MINDY2: variants seen among roughly 807,000 people sequenced by gnomAD.
The protein encoded by MINDY2 is MINDY lysine 48 deubiquitinase 2, also known as ubiquitin carboxyl-terminal hydrolase MINDY-2.
Under a neutral mutation model 68.2 loss-of-function variants are expected in MINDY2, and 52 were observed. The ratio of observed to expected loss-of-function variants is 0.76; its 90% CI spans 0.61 to 0.96. The LOEUF is 0.96. Ranked by LOEUF, MINDY2 falls within the 40% of genes least tolerant of loss-of-function variation. The pLI, the probability that MINDY2 is intolerant of heterozygous loss-of-function variation, is 0.00. For missense variants in MINDY2, 881 were observed against 773.4 expected (o/e 1.14, Z -1.65); for synonymous variants, 372 against 303.0 (o/e 1.23, Z -2.36).
intron 4 of MINDY2, 122 bp from the exon 5 acceptor site, chr15:58,821,595 T>C: frequency 2.3e-6 from 1 of 434,668 alleles, no homozygotes; most frequent in Admixed American, 4.9e-5. Context: ...GATTTTGTTT[T>C]TCGTAAATAA....
intron 6 of MINDY2, among the ~76,000 whole-genome samples, chr15:58,842,284 C>G (rs2032322556): frequency 6.6e-6 from 1 of 152,074 alleles, no homozygotes; most frequent in African/African-American, 2.4e-5. Context: ...TTACCATAAA[C>G]TCAGTCAGAT....
intron 5 of MINDY2, among the ~76,000 whole-genome samples, chr15:58,824,793 C>A (rs567790878): frequency 4.7e-5 from 4 of 84,838 alleles, no homozygotes; most frequent in Admixed American, 4.2e-4. Flanking sequence ...CCTCAGCCTC[C>A]TGAGTAGCTG....
intron 1 of MINDY2, among the ~76,000 whole-genome samples, chr15:58,775,524 G>A (rs1260155435): frequency 6.6e-6 from 1 of 152,216 alleles, no homozygotes; most frequent in African/African-American, 2.4e-5. Flanking sequence ...TAAGATTGTA[G>A]TGAGTGTAGC....
At chr15:58,836,838 T>G (rs1221509328) in intron 6 of MINDY2, among the ~76,000 whole-genome samples, 1 of 152,100 alleles carries the variant, frequency 6.6e-6, no homozygotes, top group Non-Finnish European at 1.5e-5. Context: ...CAAATTGGTC[T>G]TGAGCTCCTG....
At chr15:58,811,463 CAAGT>C (rs2030245244) in intron 4 of MINDY2, among the ~76,000 whole-genome samples, 1 of 152,152 alleles carries the variant, frequency 6.6e-6, no homozygotes, top group African/African-American at 2.4e-5. Flanking sequence ...AGGGGAACAA[CAAGT>C]AAGAGATGGT....
In MINDY2 at chr15:58,814,544, C is replaced by G. The variant is rs561555813; in HGVS notation, c.1122+4156C>G. Among the ~76,000 whole-genome samples, 216 of 151,860 alleles carry G rather than the reference C, an allele frequency of 1.4e-3. 1 individual carries two copies. Among genetic ancestry groups the G allele is most frequent in the African/African-American group, 4.8e-3 (200 of 41,456 alleles). On this transcript the variant is annotated intron_variant, in intron 4 of 8. Coordinates refer to ENST00000559228, the MANE Select transcript of MINDY2 (RefSeq NM_001040450.3). Reference sequence around the variant, plus strand: ...TGGGCACATGCCACCATACCCTGCTCACTTTTTAATTTTTTGTAGAAATGA... The same window carrying G: ...TGGGCACATGCCACCATACCCTGCTGACTTTTTAATTTTTTGTAGAAATGA...
chr15:58,847,088 G>A lies in MINDY2; in HGVS notation c.1369-209G>A, dbSNP rs143350858. ...AAGAGCTCTTATTTCTTGTTATAGT[G>A]TAGTGTGCCAATTATAAACTATATT... On this transcript the variant is annotated intron_variant, in intron 6 of 8. Transcript: ENST00000559228. Among the ~76,000 whole-genome samples, 3 of 152,272 alleles carry A rather than the reference G, an allele frequency of 2.0e-5. No homozygotes were observed. The East Asian group carries it at 5.8e-4, about 29-fold the overall frequency.
rs563366679 is a variant in MINDY2 at position 58,844,806 on chromosome 15, A to C, written c.1369-2491A>C. On this transcript the variant is annotated intron_variant, in intron 6 of 8. Coordinates refer to ENST00000559228, the MANE Select transcript of MINDY2 (RefSeq NM_001040450.3). ...GTGGTGTGCTCCTATAGTTGCAGCT[A>C]CTTGGGGCTGAGGCAGGACAGTCGC... Among the ~76,000 whole-genome samples, 21 of 149,304 alleles carry C rather than the reference A, an allele frequency of 1.4e-4. No homozygotes were observed. In the East Asian group the frequency reaches 2.0e-3, roughly 14 times the overall value.
At chr15:58,816,268 T>C (rs1237109565) in intron 4 of MINDY2, among the ~76,000 whole-genome samples, 4 of 152,244 alleles carry the variant, frequency 2.6e-5, no homozygotes, top group African/African-American at 9.6e-5. Flanking sequence ...AGAATTTCAC[T>C]GAAAAGTCTC....
rs1567079858 is a variant in MINDY2 at position 58,852,972 on chromosome 15, A to ATTTTTTTTTTTTTTTTTTTTTTTTTTTTT, written c.1737+1007_1737+1008insTTTTTTTTTTTTTTTTTTTTTTTTTTTTT. Among the ~76,000 whole-genome samples, 6 of 17,240 alleles carry ATTTTTTTTTTTTTTTTTTTTTTTTTTTTT rather than the reference A, an allele frequency of 3.5e-4. 1 individual carries two copies. Among genetic ancestry groups the ATTTTTTTTTTTTTTTTTTTTTTTTTTTTT allele is most frequent in the Non-Finnish European group, 6.6e-4 (4 of 6,082 alleles). 11.3% of individuals were successfully genotyped at this position (17,240 alleles called of 152,430 possible). A position where few individuals can be genotyped will look rare whatever the true frequency, so the allele number is the denominator to read the frequency against. On this transcript the variant is annotated intron_variant, in intron 8 of 8. Coordinates refer to ENST00000559228, the MANE Select transcript of MINDY2 (RefSeq NM_001040450.3). Reference sequence around the variant, plus strand: ...TTTTTTTTTTTTTTTTTTTTTTTTAAGACAGAGTCTCACTCTGTTGCCCAG... The same window carrying ATTTTTTTTTTTTTTTTTTTTTTTTTTTTT: ...TTTTTTTTTTTTTTTTTTTTTTTTAATTTTTTTTTTTTTTTTTTTTTTTTTTTTTGACAGAGTCTCACTCTGTTGCCCAG...
At chr15:58,804,696 ACT>A (rs1329874360) in intron 3 of MINDY2, among the ~76,000 whole-genome samples, 1 of 152,032 alleles carries the variant, frequency 6.6e-6, no homozygotes, top group African/African-American at 2.4e-5. Flanking sequence ...AGTCCCAGCT[ACT>A]TGGGAGGCTG....
chr15:58,845,358 G>T (rs1403087590), intron 6 of MINDY2, among the ~76,000 whole-genome samples: 1 of 151,388 alleles, frequency 6.6e-6, no homozygotes, highest in Non-Finnish European at 1.5e-5. Flanking sequence ...GTGAGCCAAG[G>T]TCACACCACT....
intron 3 of MINDY2, among the ~76,000 whole-genome samples, chr15:58,809,167 A>T (rs1472910219): frequency 6.6e-6 from 1 of 152,162 alleles, no homozygotes; most frequent in South Asian, 2.1e-4. Flanking sequence ...AGCCATGATC[A>T]TACCACTGCA....
chr15:58,811,742 A>T (rs1378239875), intron 4 of MINDY2, among the ~76,000 whole-genome samples: 1 of 152,132 alleles, frequency 6.6e-6, no homozygotes, highest in Non-Finnish European at 1.5e-5. Flanking sequence ...ATTATTAGAG[A>T]GTAGGAATTC....
At chr15:58,807,565 G>C (rs1354179681) in intron 3 of MINDY2, among the ~76,000 whole-genome samples, 2 of 151,922 alleles carry the variant, frequency 1.3e-5, no homozygotes, top group African/African-American at 4.8e-5. Flanking sequence ...GGGTTTCACC[G>C]TGTTAGCCAG....
At chr15:58,852,248 A>C (rs1279636658) in intron 8 of MINDY2, among the ~76,000 whole-genome samples, 1 of 127,624 alleles carries the variant, frequency 7.8e-6, no homozygotes, top group Non-Finnish European at 1.6e-5. Context: ...AGATTGTGCC[A>C]CTACACTCCA....
At chr15:58,823,128 CTTT>C (rs765836105) in intron 5 of MINDY2, among the ~76,000 whole-genome samples, 1 of 142,602 alleles carries the variant, frequency 7.0e-6, no homozygotes, top group African/African-American at 2.6e-5. Flanking sequence ...TTATCCTAAT[CTTT>C]TTTTTTTCTT....
At chr15:58,839,316 C>CTTTTTTT (rs1555434699) in intron 6 of MINDY2, among the ~76,000 whole-genome samples, 1,001 of 68,496 alleles carry the variant, frequency 0.015, 14 homozygotes, top group African/African-American at 0.072. Flanking sequence ...TTAAGTTAGA[C>CTTTTTTT]TGTTTTTTTG....
intron 1 of MINDY2, among the ~76,000 whole-genome samples, chr15:58,780,018 A>G (rs1335292674): frequency 6.6e-6 from 1 of 152,224 alleles, no homozygotes; most frequent in Non-Finnish European, 1.5e-5. Flanking sequence ...GATACTGTGC[A>G]TTATTTTACA....
Sources: allele counts gnomAD v4.1 joint callset (sites outside exome capture counted in the v4.1 genomes callset), GRCh38; gene constraint gnomAD v4.1.1; transcripts MANE v1.5; gene names NCBI Gene and HGNC (gene_info 2026-07-23, HGNC 2026-07-21).